Variants in SH3BGR observed in about 807,000 individuals in gnomAD.
SH3BGR encodes the protein SH3 domain-binding glutamic acid-rich protein.
A neutral mutation model predicts 24.5 loss-of-function variants in SH3BGR; 29 were observed. The observed-to-expected ratio is 1.18, with a 90% CI of 0.88 to 1.61. The LOEUF (loss-of-function observed/expected upper bound fraction) is 1.61, where lower values mean the gene tolerates loss of function less well. Ranked by LOEUF, SH3BGR falls within the 40% of genes most tolerant of loss-of-function variation. The pLI is 0.00. For missense variants in SH3BGR, 162 were observed against 205.8 expected, an observed-to-expected ratio of 0.79 and a Z score of 1.30; for synonymous variants, 55 against 65.7, an observed-to-expected ratio of 0.84 and a Z score of 0.79.
chr21:39,484,907 T>C (rs2078185383), intron 3 of SH3BGR, among the ~76,000 whole-genome samples: 1 of 152,214 alleles, frequency 6.6e-6, no homozygotes, highest in Non-Finnish European at 1.5e-5. Context: ...GTAAACAAGA[T>C]TGTGGAAAGG....
chr21:39,461,287 G>A (rs1304842378), intron 1 of SH3BGR, among the ~76,000 whole-genome samples: 4 of 151,920 alleles, frequency 2.6e-5, no homozygotes, highest in East Asian at 1.9e-4. Flanking sequence ...CAAGGCATGC[G>A]CCACCACGCC....
chr21:39,462,181 T>C (rs1027181581), intron 1 of SH3BGR, among the ~76,000 whole-genome samples, 194 bp from the exon 2 acceptor site: 1 of 152,198 alleles, frequency 6.6e-6, no homozygotes, highest in African/African-American at 2.4e-5. Flanking sequence ...TTGATGATAC[T>C]AAAATTTCAG....
rs1297419235 is a variant in SH3BGR at position 39,475,116 on chromosome 21, T to C, written c.232-19T>C. On this transcript the variant is annotated intron_variant, in intron 2 of 6. Transcript: ENST00000333634. ...ACAAGTGTGCAGTAGTTTTAAACTT[T>C]CTTTTTCTTTGCTTCAAGGATTTTG... is the stretch of plus-strand genomic sequence containing the variant. 7 of 1,523,582 alleles carry C rather than the reference T, an allele frequency of 4.6e-6. No homozygotes were observed. Among genetic ancestry groups the C allele is most frequent in the Non-Finnish European group, 5.5e-6 (6 of 1,100,336 alleles). 94.4% of individuals were successfully genotyped at this position (1,523,582 alleles called of 1,614,324 possible).
intron 5 of SH3BGR, among the ~76,000 whole-genome samples, chr21:39,510,011 C>T (rs1260569448): frequency 2.4e-5 from 3 of 127,348 alleles, no homozygotes; most frequent in African/African-American, 7.1e-5. Context: ...GGCGCAATCT[C>T]GGCTCACTGC....
At chr21:39,512,119 C>G (rs903129082) in intron 6 of SH3BGR, among the ~76,000 whole-genome samples, 1 of 152,166 alleles carries the variant, frequency 6.6e-6, no homozygotes, top group Non-Finnish European at 1.5e-5. Context: ...TCCTCTTCCT[C>G]TATATAAACT....
At chr21:39,479,253 G>GTGA (rs1569160914) in intron 3 of SH3BGR, among the ~76,000 whole-genome samples, 2 of 150,518 alleles carry the variant, frequency 1.3e-5, no homozygotes, top group African/African-American at 4.9e-5. Flanking sequence ...GGTGGTGGTG[G>GTGA]TGGTGATGGT....
chr21:39,487,362 T>C (rs1015533361), intron 3 of SH3BGR, among the ~76,000 whole-genome samples: 19 of 152,068 alleles, frequency 1.2e-4, no homozygotes, highest in African/African-American at 4.6e-4. Flanking sequence ...ACACTGGACT[T>C]GAACTCCTGG....
chr21:39,464,538 T>C (rs557768557), intron 2 of SH3BGR, among the ~76,000 whole-genome samples: 1 of 152,330 alleles, frequency 6.6e-6, no homozygotes, highest in South Asian at 2.1e-4. Context: ...AAAGTCACTT[T>C]CTGGGGTTCC....
At chr21:39,506,786 TAG>T (rs2078591149) in intron 4 of SH3BGR, among the ~76,000 whole-genome samples, 1 of 152,108 alleles carries the variant, frequency 6.6e-6, no homozygotes, top group Admixed American at 6.5e-5. Flanking sequence ...ATCAGGAGGA[TAG>T]AGTATCTTGA....
chr21:39,487,290 G>A (rs997768574), intron 3 of SH3BGR, among the ~76,000 whole-genome samples: 1 of 152,042 alleles, frequency 6.6e-6, no homozygotes, highest in African/African-American at 2.4e-5. Context: ...CCGCAGATAT[G>A]CACCACCATG....
intron 6 of SH3BGR, among the ~76,000 whole-genome samples, chr21:39,512,663 A>T (rs1363309738): frequency 6.6e-6 from 1 of 152,148 alleles, no homozygotes; most frequent in Non-Finnish European, 1.5e-5. Context: ...GGGGTGGCTC[A>T]TGCCTGCGGT....
At position 39,503,841 on chromosome 21, in the gene SH3BGR, G is replaced by A. The variant is rs576488322; in HGVS notation, c.405+3926G>A. ...TTGGGAGGTCAGGAGGGTGAACACC[G>A]AAAAGACCATGACTTCATGCCTAGG... On this transcript the variant is annotated intron_variant, in intron 4 of 6. Coordinates refer to ENST00000333634, the MANE Select transcript of SH3BGR (RefSeq NM_007341.3). Among the ~76,000 whole-genome samples, 119 of 152,274 alleles carry A rather than the reference G, an allele frequency of 7.8e-4. 1 individual carries two copies. Among genetic ancestry groups the A allele is most frequent in the African/African-American group, 2.6e-3 (110 of 41,556 alleles).
chr21:39,457,689 T>C (rs980547780), intron 1 of SH3BGR, among the ~76,000 whole-genome samples: 1 of 151,862 alleles, frequency 6.6e-6, no homozygotes, highest in Non-Finnish European at 1.5e-5. Context: ...CCCAGCACTT[T>C]AGGAGGCTGA....
At chr21:39,508,464 A>G (rs78814677) in intron 4 of SH3BGR, among the ~76,000 whole-genome samples, 13,056 of 152,210 alleles carry the variant, frequency 0.086, 818 homozygotes, top group African/African-American at 0.17. Flanking sequence ...TACCTTGCAA[A>G]TTTCTTTCTT....
At chr21:39,457,224 A>G (rs2077670658) in intron 1 of SH3BGR, among the ~76,000 whole-genome samples, 1 of 104,394 alleles carries the variant, frequency 9.6e-6, no homozygotes, top group Non-Finnish European at 1.9e-5. Context: ...TAAAAATCAT[A>G]TATAGTTAAA....
In SH3BGR at chr21:39,499,837, T is replaced by C; in HGVS notation, c.327T>C (p.Ala109=). Residue 109 remains alanine, a synonymous_variant, in exon 4 of 7, where the codon GCT becomes GCC. Coordinates refer to ENST00000333634, the MANE Select transcript of SH3BGR (RefSeq NM_007341.3). ...TTTATGACCAGGGATCAGAGAAGGCTGAAGAAGGTGGAGAAACTGAGGCAC... is the reference window on the plus strand; with the variant it reads ...TTTATGACCAGGGATCAGAGAAGGCCGAAGAAGGTGGAGAAACTGAGGCAC... ...PPPDSKGSEK[A]EEGGETEAQK... is the part of the protein sequence containing the mutation. 6.2e-7 allele frequency: 1 copy of C among 1,613,592 alleles called. No homozygotes were observed. Among genetic ancestry groups the C allele is most frequent in the Non-Finnish European group, 8.5e-7 (1 of 1,179,642 alleles).
Position 39,511,150 on chromosome 21 carries a change from TGGTGTA to T in SH3BGR, c.436-529_436-524del, listed in dbSNP as rs2078685684. 6.6e-6 allele frequency among the ~76,000 whole-genome samples: 1 copy of T among 150,784 alleles called. No individual in the cohort carries two copies. The highest frequency in any genetic ancestry group is 1.9e-4 in the East Asian group (1 of 5,142). On this transcript the variant is annotated intron_variant, in intron 5 of 6. Transcript: ENST00000333634. This position sits in a 1 kb window ranked among gnomAD's most constrained non-coding sequence, Gnocchi z 4.2. ...TGGTATGTGTGGTGTGTTGTATGTG[TGGTGTA>T]TGTGTATTTGTGTGTGGTGTATATG...
intron 2 of SH3BGR, among the ~76,000 whole-genome samples, chr21:39,472,628 C>G (rs2077960538): frequency 6.6e-6 from 1 of 152,186 alleles, no homozygotes. Flanking sequence ...GAACTGCAAC[C>G]TCTCATGAAT....
intron 3 of SH3BGR, among the ~76,000 whole-genome samples, chr21:39,486,014 A>T (rs2078207715): frequency 6.6e-6 from 1 of 152,204 alleles, no homozygotes; most frequent in African/African-American, 2.4e-5. Flanking sequence ...AAGCAATGCC[A>T]TCAGAAACCT....
Sources: allele counts gnomAD v4.1 joint callset (sites outside exome capture counted in the v4.1 genomes callset), GRCh38; gene constraint gnomAD v4.1.1; non-coding constraint Gnocchi (gnomAD v3.1); transcripts MANE v1.5; gene names NCBI Gene and HGNC (gene_info 2026-07-23, HGNC 2026-07-21).